The following RAD51B variants were observed in gnomAD, a reference collection of about 807,000 sequenced individuals.
RAD51B encodes DNA repair protein RAD51 homolog 2.
A neutral mutation model predicts 42.2 loss-of-function variants in RAD51B; 38 were observed. The observed-to-expected ratio is 0.90, with a 90% CI of 0.70 to 1.18. The LOEUF (loss-of-function observed/expected upper bound fraction) is 1.18, where lower values mean the gene tolerates loss of function less well. Ranked by LOEUF, RAD51B falls within the 50% of genes most tolerant of loss-of-function variation. The probability of loss-of-function intolerance (pLI) is 0.00; values close to 1 mark genes in which losing one functional copy is unlikely to be tolerated. For missense variants in RAD51B, 373 were observed against 400.7 expected, an observed-to-expected ratio of 0.93 and a Z score of 0.59; for synonymous variants, 154 against 145.2, an observed-to-expected ratio of 1.06 and a Z score of -0.43.
At position 68,133,662 on chromosome 14, in the gene RAD51B, C is replaced by T. The variant is rs1340372057; in HGVS notation, c.757-158222C>T. On this transcript the variant is annotated intron_variant, in intron 7 of 10. Transcript: ENST00000471583. ...AATTTTTGTATTTTTTTAGTAGAGA[C>T]GGAGTTTCACCATATTGGCCAGGCT... Among the ~76,000 whole-genome samples, 4 of 151,998 alleles carry T rather than the reference C, an allele frequency of 2.6e-5. No individual in the cohort carries two copies. The South Asian group carries it at 6.2e-4, about 24-fold the overall frequency.
At chr14:68,155,060 CA>C (rs1372236291) in intron 7 of RAD51B, among the ~76,000 whole-genome samples, 10 of 152,076 alleles carry the variant, frequency 6.6e-5, no homozygotes, top group African/African-American at 1.9e-4. Context: ...TTGACCATAT[CA>C]ATGGGTAGAT....
chr14:68,590,841 A>G (rs1890707332), intron 10 of RAD51B, among the ~76,000 whole-genome samples: 2 of 152,168 alleles, frequency 1.3e-5, no homozygotes, highest in Admixed American at 1.3e-4. Flanking sequence ...AATGCTGACC[A>G]TGGGTGGCGG....
chr14:68,295,861 G>T (rs759355069), intron 8 of RAD51B, among the ~76,000 whole-genome samples: 1 of 152,116 alleles, frequency 6.6e-6, no homozygotes, highest in African/African-American at 2.4e-5. Flanking sequence ...TCTATTACAG[G>T]ACAGGGTAGA....
chr14:67,876,705 ATAGT>A (rs1181242485), intron 5 of RAD51B, among the ~76,000 whole-genome samples: 4 of 152,182 alleles, frequency 2.6e-5, no homozygotes, highest in Admixed American at 6.5e-5. Context: ...TGTGGGATTG[ATAGT>A]TAGCATTATT....
At chr14:68,327,376 T>G (rs1407141560) in intron 8 of RAD51B, among the ~76,000 whole-genome samples, 4 of 78,620 alleles carry the variant, frequency 5.1e-5, no homozygotes, top group East Asian at 2.9e-4. Flanking sequence ...TTTGTTTTTT[T>G]TTGTTGTTTT....
At chr14:68,081,120 A>G (rs114437920) in intron 7 of RAD51B, among the ~76,000 whole-genome samples, 1,585 of 152,350 alleles carry the variant, frequency 0.01, 32 homozygotes, top group African/African-American at 0.036. Context: ...AATTATAAGC[A>G]TCTATCACTT....
intron 8 of RAD51B, among the ~76,000 whole-genome samples, chr14:68,377,393 C>T (rs536695844): frequency 1.3e-5 from 2 of 152,310 alleles, no homozygotes; most frequent in Admixed American, 1.3e-4. Context: ...GTTTTTAGCT[C>T]AGGACCATAT....
intron 7 of RAD51B, among the ~76,000 whole-genome samples, chr14:67,912,884 T>G (rs533194635): frequency 6.2e-4 from 94 of 152,220 alleles, no homozygotes; most frequent in African/African-American, 2.2e-3. Context: ...TTTTGTATTT[T>G]TAGTGGAGAC....
At chr14:67,862,920 A>G (rs2042209195) in intron 4 of RAD51B, among the ~76,000 whole-genome samples, 1 of 152,086 alleles carries the variant, frequency 6.6e-6, no homozygotes, top group Non-Finnish European at 1.5e-5. Flanking sequence ...TATTAGTAAA[A>G]TAGTATGTTC....
At chr14:68,371,096 G>A (rs1269954976) in intron 8 of RAD51B, among the ~76,000 whole-genome samples, 3 of 147,084 alleles carry the variant, frequency 2.0e-5, no homozygotes, top group African/African-American at 7.5e-5. Context: ...AATTATCTGT[G>A]TATTTTTTAT....
chr14:68,667,936 C>G (rs1485181301), intron 11 of RAD51B, among the ~76,000 whole-genome samples: 1 of 152,166 alleles, frequency 6.6e-6, no homozygotes, highest in African/African-American at 2.4e-5. Flanking sequence ...GTAACTCCAG[C>G]AGGAGAAAGC....
intron 8 of RAD51B, among the ~76,000 whole-genome samples, chr14:68,377,007 T>C (rs966367389): frequency 6.6e-6 from 1 of 152,206 alleles, no homozygotes; most frequent in African/African-American, 2.4e-5. Flanking sequence ...GGAATGTAGA[T>C]AGTATAGGAT....
chr14:68,151,823 CTTTTTTTTTTTTTTTTT>C (rs71129868), intron 7 of RAD51B, among the ~76,000 whole-genome samples: 28 of 39,988 alleles, frequency 7.0e-4, no homozygotes, highest in Non-Finnish European at 1.1e-3. Flanking sequence ...GTTATAAAGA[CTTTTTTTTTTTTTTTTT>C]TTTTTTTTTT....
At chr14:68,127,318 A>G (rs1204450647) in intron 7 of RAD51B, among the ~76,000 whole-genome samples, 1 of 152,104 alleles carries the variant, frequency 6.6e-6, no homozygotes, top group African/African-American at 2.4e-5. Context: ...CTAGGATTAT[A>G]TGCTCTTAAA....
chr14:67,996,329 G>A (rs1020838910), intron 7 of RAD51B, among the ~76,000 whole-genome samples: 2 of 151,622 alleles, frequency 1.3e-5, no homozygotes, highest in Non-Finnish European at 2.9e-5. Context: ...CCAGGAGGTC[G>A]AGGCTGCAGT....
At chr14:67,861,574 TTTAAAAAA>T (rs1229433812) in intron 4 of RAD51B, among the ~76,000 whole-genome samples, 1 of 131,620 alleles carries the variant, frequency 7.6e-6, no homozygotes, top group Non-Finnish European at 1.7e-5. Flanking sequence ...AGAACCTGTC[TTTAAAAAA>T]AAAAAAAAAA....
chr14:68,134,380 G>A (rs2077965826), intron 7 of RAD51B, among the ~76,000 whole-genome samples: 1 of 152,054 alleles, frequency 6.6e-6, no homozygotes, highest in Non-Finnish European at 1.5e-5. Context: ...TTCAGTTTGG[G>A]ACTATTATGA....
intron 11 of RAD51B, among the ~76,000 whole-genome samples, chr14:68,664,025 C>T (rs1329574328): frequency 6.6e-6 from 1 of 152,164 alleles, no homozygotes; most frequent in Non-Finnish European, 1.5e-5. Context: ...TGCTAGAATA[C>T]GCTAGCAATA....
intron 10 of RAD51B, among the ~76,000 whole-genome samples, chr14:68,617,909 T>C (rs1891858448): frequency 6.6e-6 from 1 of 152,162 alleles, no homozygotes; most frequent in Non-Finnish European, 1.5e-5. Context: ...TCCCAAGGGA[T>C]ACAGGGGGAG....
Sources: allele counts gnomAD v4.1 joint callset (sites outside exome capture counted in the v4.1 genomes callset), GRCh38; gene constraint gnomAD v4.1.1; transcripts MANE v1.5; gene names NCBI Gene and HGNC (gene_info 2026-07-23, HGNC 2026-07-21).